Variants in ACOX3 observed in about 807,000 individuals in gnomAD.
ACOX3 encodes peroxisomal acyl-coenzyme A oxidase 3.
A neutral mutation model predicts 81.5 loss-of-function variants in ACOX3; 73 were observed. The ratio of observed to expected loss-of-function variants is 0.90; its 90% CI spans 0.74 to 1.09. The LOEUF (loss-of-function observed/expected upper bound fraction) is 1.09. Among genes scored for constraint, ACOX3 ranks in the 50% least tolerant of loss-of-function variants. The pLI, the probability that ACOX3 is intolerant of heterozygous loss-of-function variation, is 0.00. For missense variants in ACOX3, 947 were observed against 928.0 expected (o/e 1.02, Z -0.27); for synonymous variants, 387 against 375.1 (o/e 1.03, Z -0.37).
At chr4:8,377,596 C>T (rs545598329) in intron 14 of ACOX3, among the ~76,000 whole-genome samples, 2 of 152,334 alleles carry the variant, frequency 1.3e-5, no homozygotes, top group South Asian at 2.1e-4. Context: ...TACTCAACGG[C>T]ATCTCAGTCC....
intron 1 of ACOX3, among the ~76,000 whole-genome samples, chr4:8,428,035 G>A (rs779705665): frequency 6.6e-6 from 1 of 152,232 alleles, no homozygotes; most frequent in Non-Finnish European, 1.5e-5. Context: ...CAAGGAAGTG[G>A]GGCTTCAAGA....
At chr4:8,383,824 C>G (rs1371015828) in intron 13 of ACOX3, among the ~76,000 whole-genome samples, 1 of 152,182 alleles carries the variant, frequency 6.6e-6, no homozygotes, top group Non-Finnish European at 1.5e-5. Flanking sequence ...CTGCAACATC[C>G]CAAGCTCTCC....
In ACOX3 at chr4:8,407,568, GC is replaced by G. The variant is rs2108938841; in HGVS notation, c.688-1526del. Among the ~76,000 whole-genome samples, 1 of 152,334 alleles carries G rather than the reference GC, an allele frequency of 6.6e-6. No homozygotes were observed. The highest frequency in any genetic ancestry group is 6.5e-5 in the Admixed American group (1 of 15,306). ...CGAGCGCCCTGCTTTGTGGTGCTTT[GC>G]TGTGGCAGCCATGAGAGACTAACAC... On this transcript the variant is annotated intron_variant, in intron 6 of 17. Transcript: ENST00000356406. This position sits in a 1 kb window ranked among gnomAD's most constrained non-coding sequence, Gnocchi z 4.6.
chr4:8,419,943 C>T lies in ACOX3; in HGVS notation c.-14-3408G>A, dbSNP rs1722752208. Among the ~76,000 whole-genome samples the T allele has an allele frequency of 6.6e-6, 1 of 152,220 alleles. No individual in the cohort carries two copies. The highest frequency in any genetic ancestry group is 1.5e-5 in the Non-Finnish European group (1 of 68,036). ...CAAGTCCACAGTGCATCTCTAACAC[C>T]TTACGGAATCTTCTCATTTCTCTCC... On this transcript the variant is annotated intron_variant, in intron 1 of 17. Coordinates refer to ENST00000356406, the MANE Select transcript of ACOX3 (RefSeq NM_003501.3). The surrounding 1 kb of genome is among the most constrained non-coding windows in gnomAD (Gnocchi z 4.2).
At position 8,380,791 on chromosome 4, in the gene ACOX3, C is replaced by T. The variant is rs576799687; in HGVS notation, c.1653+701G>A. 3.9e-5 allele frequency among the ~76,000 whole-genome samples: 6 copies of T among 152,292 alleles called. No individual in the cohort carries two copies. The East Asian group carries it at 1.2e-3, about 29-fold the overall frequency. ...CACAACACTCATGGCCTGAGTCTCC[C>T]CACAGCTATGGTTAGGGCTGGCGCA... On this transcript the variant is annotated intron_variant, in intron 14 of 17. Transcript: ENST00000356406.
At chr4:8,421,270 C>T (rs62286050) in intron 1 of ACOX3, among the ~76,000 whole-genome samples, 4,207 of 152,294 alleles carry the variant, frequency 0.028, 70 homozygotes, top group South Asian at 0.041. Context: ...ATGTGGCCAC[C>T]GGACTTAAGA....
chr4:8,427,369 T>G (rs924194429), intron 1 of ACOX3, among the ~76,000 whole-genome samples: 15 of 152,224 alleles, frequency 9.9e-5, no homozygotes, highest in African/African-American at 3.1e-4. Flanking sequence ...TGGTCCATGT[T>G]TGTTCCGGTT....
downstream of ACOX3, among the ~76,000 whole-genome samples, chr4:8,361,474 G>C (rs532803741): frequency 5.7e-5 from 4 of 70,058 alleles, 1 homozygote; most frequent in South Asian, 2.0e-3. Context: ...TTTTAAATTA[G>C]AATCAAGCTG....
chr4:8,438,445 G>A (rs1374366223), intron 1 of ACOX3, among the ~76,000 whole-genome samples: 1 of 152,150 alleles, frequency 6.6e-6, no homozygotes, highest in Non-Finnish European at 1.5e-5. Flanking sequence ...TTTTGCCTAT[G>A]GTCCTCCTTC....
rs1008480709 is a variant in ACOX3, at chr4:8,405,857, G to C, written c.776+98C>G. The C allele has an allele frequency of 1.9e-5, 23 of 1,220,248 alleles. No individual in the cohort carries two copies. The highest frequency in any genetic ancestry group is 2.7e-5 in the Non-Finnish European group (22 of 826,052). The allele number at this position is 1,220,248 out of a possible 1,614,324, so 75.6% of individuals were successfully genotyped here. On this transcript the variant is annotated intron_variant, in intron 7 of 17. Transcript: ENST00000356406. The surrounding 1 kb of genome is among the most constrained non-coding windows in gnomAD (Gnocchi z 7.1). ...CCGCATTTGAGTCTAAGAGGGCAGGGCATGGCATCCATGGGGCCAGTGAGA... is the reference window on the plus strand; with the variant it reads ...CCGCATTTGAGTCTAAGAGGGCAGGCCATGGCATCCATGGGGCCAGTGAGA...
chr4:8,394,919 A>C lies in ACOX3; in HGVS notation c.1057-177T>G. 8 of 821,260 alleles carry C rather than the reference A, an allele frequency of 9.7e-6. No individual in the cohort carries two copies. The highest frequency in any genetic ancestry group is 1.4e-5 in the Non-Finnish European group (8 of 555,116). The allele number at this position is 821,260 out of a possible 1,614,324, so 50.9% of individuals were successfully genotyped here. On this transcript the variant is annotated intron_variant, in intron 9 of 17. Transcript: ENST00000356406. This position sits in a 1 kb window ranked among gnomAD's most constrained non-coding sequence, Gnocchi z 5.9. ...AAAGCCTTCACCCTGACACGCTCTC[A>C]ACTCAGCCAGTTCGGCTTTCACCCA...
chr4:8,382,961 A>G lies in ACOX3; in HGVS notation c.1538-1354T>C, dbSNP rs538825404. On this transcript the variant is annotated intron_variant, in intron 13 of 17. Coordinates refer to ENST00000356406, the MANE Select transcript of ACOX3 (RefSeq NM_003501.3). The surrounding 1 kb of genome is among the most constrained non-coding windows in gnomAD (Gnocchi z 4.1). ...AGCCGAGATCGCGCCACTGCACTCCAGCCTGGGCGACAGAGCGAGACTCCG... is the reference window on the plus strand; with the variant it reads ...AGCCGAGATCGCGCCACTGCACTCCGGCCTGGGCGACAGAGCGAGACTCCG... Among the ~76,000 whole-genome samples, 41 of 144,706 alleles carry G rather than the reference A, an allele frequency of 2.8e-4. No homozygotes were observed. The highest frequency in any genetic ancestry group is 4.4e-4 in the Admixed American group (6 of 13,750). 94.9% of individuals were successfully genotyped at this position (144,706 alleles called of 152,430 possible). A position where few individuals can be genotyped will look rare whatever the true frequency, so the allele number is the denominator to read the frequency against.
chr4:8,410,183 C>T (rs1381841358), intron 6 of ACOX3, 29 bp downstream of exon 6: 1 of 1,605,408 alleles, frequency 6.2e-7, no homozygotes, highest in Non-Finnish European at 8.5e-7. Context: ...TAAACACTGC[C>T]CCCACTGAGG....
In ACOX3 at chr4:8,415,806, T is replaced by C; in HGVS notation, c.338A>G (p.Tyr113Cys). The part of the protein sequence containing the change: ...VPALIQCLGM[Y>C]DSSLAAKYLL... The stretch of plus-strand genomic sequence containing the variant: ...GTACTTGGCAGCCAGAGAAGAGTCA[T>C]ACATGCCCAGGCACTGAATCAAGGC... The change falls in exon 3 of 18, where the codon TAT (tyrosine) becomes TGT (cysteine). Residue 113 changes from tyrosine (Y) to cysteine (C), a missense_variant. By Grantham distance (194) the Tyr-to-Cys change is radical. Coordinates refer to ENST00000356406, the MANE Select transcript of ACOX3 (RefSeq NM_003501.3). The C allele has an allele frequency of 6.2e-7, 1 of 1,614,090 alleles. No individual in the cohort carries two copies. The highest frequency in any genetic ancestry group is 1.3e-5 in the African/African-American group (1 of 75,012).
chr4:8,392,194 G>A (rs1719075436), intron 11 of ACOX3, 139 bp downstream of exon 11: 4 of 1,127,730 alleles, frequency 3.5e-6, no homozygotes, highest in Non-Finnish European at 4.8e-6. Context: ...GTGGCTGGCT[G>A]TGTTCCAATA....
chr4:8,414,756 C>T lies in ACOX3; in HGVS notation c.453+98G>A, dbSNP rs927312482. ...CTAGGAAACAAGAAGAGCATAAGCC[C>T]CCTGGGCACCCCCTTCTACAATCTT... On this transcript the variant is annotated intron_variant, in intron 4 of 17. Coordinates refer to ENST00000356406, the MANE Select transcript of ACOX3 (RefSeq NM_003501.3). The surrounding 1 kb of genome is among the most constrained non-coding windows in gnomAD (Gnocchi z 6.1). 4 of 1,236,714 alleles carry T rather than the reference C, an allele frequency of 3.2e-6. No individual in the cohort carries two copies. Among genetic ancestry groups the T allele is most frequent in the African/African-American group, 1.5e-5 (1 of 66,746 alleles). The allele number at this position is 1,236,714 out of a possible 1,614,324, so 76.6% of individuals were successfully genotyped here.
intron 8 of ACOX3, among the ~76,000 whole-genome samples, chr4:8,398,666 G>C (rs1719998116): frequency 6.6e-6 from 1 of 152,124 alleles, no homozygotes; most frequent in African/African-American, 2.4e-5. Context: ...AGTAGAGACG[G>C]GGTTTTGCCA....
At chr4:8,372,548 GAAAACCC>G (rs1716348566) in intron 16 of ACOX3, among the ~76,000 whole-genome samples, 1 of 152,210 alleles carries the variant, frequency 6.6e-6, no homozygotes, top group East Asian at 1.9e-4. Flanking sequence ...AGGAGCCAAG[GAAAACCC>G]CTCCCTGTGG....
rs1382796033 is a variant in ACOX3 at position 8,405,133 on chromosome 4, C to T, written c.776+822G>A. Among the ~76,000 whole-genome samples the T allele has an allele frequency of 6.6e-6, 1 of 152,210 alleles. No individual in the cohort carries two copies. Among genetic ancestry groups the T allele is most frequent in the African/African-American group, 2.4e-5 (1 of 41,444 alleles). Reference sequence around the variant, plus strand: ...CAAAGGGCCGGCTGCACATCTGTCTCATTCCAAAAGTCATGCTGCTAATGA... The same window carrying T: ...CAAAGGGCCGGCTGCACATCTGTCTTATTCCAAAAGTCATGCTGCTAATGA... On this transcript the variant is annotated intron_variant, in intron 7 of 17. Transcript: ENST00000356406. This position sits in a 1 kb window ranked among gnomAD's most constrained non-coding sequence, Gnocchi z 7.1.
Sources: allele counts gnomAD v4.1 joint callset (sites outside exome capture counted in the v4.1 genomes callset), GRCh38; gene constraint gnomAD v4.1.1; non-coding constraint Gnocchi (gnomAD v3.1); transcripts MANE v1.5; gene names NCBI Gene and HGNC (gene_info 2026-07-23, HGNC 2026-07-21).